Variants in TUSC3 observed in about 807,000 individuals in gnomAD.
TUSC3 encodes the protein tumor suppressor candidate 3.
Under a neutral mutation model 44.8 loss-of-function variants are expected in TUSC3, and 45 were observed. The ratio of observed to expected loss-of-function variants is 1.00; its 90% CI spans 0.79 to 1.29. TUSC3 has a LOEUF of 1.29. Ranked by LOEUF, TUSC3 falls within the 50% of genes most tolerant of loss-of-function variation. TUSC3 has a pLI of 0.00. For missense variants in TUSC3, 519 were observed against 437.9 expected, an observed-to-expected ratio of 1.19 and a Z score of -1.65; for synonymous variants, 212 against 152.9, an observed-to-expected ratio of 1.39 and a Z score of -2.85.
intron 2 of TUSC3, among the ~76,000 whole-genome samples, chr8:15,508,221 T>C (rs1475946846): frequency 6.6e-6 from 1 of 151,966 alleles, no homozygotes; most frequent in African/African-American, 2.4e-5. Context: ...GCCTGGGTGA[T>C]AGGGTGGGAC....
At chr8:15,715,452 A>G (rs923142954) in intron 6 of TUSC3, among the ~76,000 whole-genome samples, 2 of 152,268 alleles carry the variant, frequency 1.3e-5, no homozygotes, top group Admixed American at 1.3e-4. Context: ...ACTAATGGGA[A>G]GGTAGCATGT....
chr8:15,671,060 A>G (rs193050687), intron 5 of TUSC3, among the ~76,000 whole-genome samples: 5 of 152,102 alleles, frequency 3.3e-5, no homozygotes, highest in Admixed American at 6.6e-5. Context: ...ATGGATATCA[A>G]GTGGATCTCT....
At chr8:15,497,710 T>C (rs1344030687) in intron 2 of TUSC3, among the ~76,000 whole-genome samples, 1 of 150,344 alleles carries the variant, frequency 6.7e-6, no homozygotes, top group African/African-American at 2.4e-5. Flanking sequence ...AAGTTTTCTT[T>C]TTTCTTTCTT....
At chr8:15,800,431 G>T in the TUSC3 span, among the ~76,000 whole-genome samples, 2 of 151,992 alleles carry the variant, frequency 1.3e-5, no homozygotes, top group Admixed American at 6.6e-5. Flanking sequence ...AAATTAGCCG[G>T]GCATGGTGGC....
intron 7 of TUSC3, among the ~76,000 whole-genome samples, chr8:15,731,568 A>C (rs1337983028): frequency 6.6e-6 from 1 of 152,180 alleles, no homozygotes; most frequent in African/African-American, 2.4e-5. Context: ...ACTAGAGCCC[A>C]CAAAGGGCTT....
At chr8:15,623,947 C>A (rs1047294019) in intron 2 of TUSC3, among the ~76,000 whole-genome samples, 1 of 152,082 alleles carries the variant, frequency 6.6e-6, no homozygotes, top group Non-Finnish European at 1.5e-5. Flanking sequence ...TTTAAAGTCA[C>A]CCGCACTCTC....
chr8:15,806,350 C>A, the TUSC3 span: 1 of 730,684 alleles, frequency 1.4e-6, no homozygotes, highest in East Asian at 2.7e-5. Flanking sequence ...ATTTCTTCTA[C>A]TCTGCATTCC....
In TUSC3 at chr8:15,463,148, A is replaced by G. The variant is rs550477950; in HGVS notation, n.92-20238A>G. On this transcript the variant is annotated intron_variant and non_coding_transcript_variant, in intron 1 of 5. Coordinates refer to the TUSC3 transcript ENST00000503191. ...AGACATTTAGAAGACTCCTGTTTTGATCCGTAAAAACATAAGTTTGCAACT... is the reference window on the plus strand; with the variant it reads ...AGACATTTAGAAGACTCCTGTTTTGGTCCGTAAAAACATAAGTTTGCAACT... Among the ~76,000 whole-genome samples, 79 of 151,544 alleles carry G rather than the reference A, an allele frequency of 5.2e-4. 1 individual carries two copies. The highest frequency in any genetic ancestry group is 1.9e-3 in the African/African-American group (78 of 41,292).
intron 9 of TUSC3, among the ~76,000 whole-genome samples, chr8:15,754,546 G>C (rs1431176631): frequency 6.6e-6 from 1 of 152,032 alleles, no homozygotes; most frequent in African/African-American, 2.4e-5. Context: ...TTACCCTTTA[G>C]TGAAAATGCA....
intron 6 of TUSC3, among the ~76,000 whole-genome samples, chr8:15,703,956 C>A (rs1047145859): frequency 6.6e-6 from 1 of 152,110 alleles, no homozygotes; most frequent in South Asian, 2.1e-4. Context: ...GCTTGGCGCA[C>A]TGCAAAATAA....
rs1439542832 is a variant in TUSC3 at position 15,650,790 on chromosome 8, T to C, written c.402T>C (p.Asp134=). The C allele has an allele frequency of 1.9e-6, 3 of 1,614,152 alleles. No individual in the cohort carries two copies. The highest frequency in any genetic ancestry group is 2.2e-5 in the South Asian group (2 of 91,088). The change falls in exon 3 of 11, where the codon GAT becomes GAC. Residue 134 remains aspartate (D), a synonymous_variant. Coordinates refer to ENST00000503731, the MANE Select transcript of TUSC3 (RefSeq NM_006765.4). Reference sequence around the variant, plus strand: ...TCTTCTTCAGTATGGTGGACTATGATGAGGGGACAGACGTTTTTCAGCAGG... The same window carrying C: ...TCTTCTTCAGTATGGTGGACTATGACGAGGGGACAGACGTTTTTCAGCAGG... ...NKLFFSMVDY[D]EGTDVFQQLN...
chr8:15,606,935 G>C (rs767718094), intron 1 of TUSC3, among the ~76,000 whole-genome samples: 1 of 151,714 alleles, frequency 6.6e-6, no homozygotes, highest in African/African-American at 2.4e-5. Flanking sequence ...GTGTGTGTGT[G>C]TATGTGTATA....
At chr8:15,811,073 A>G in the TUSC3 span, among the ~76,000 whole-genome samples, 1 of 152,300 alleles carries the variant, frequency 6.6e-6, no homozygotes, top group East Asian at 1.9e-4. Flanking sequence ...GGGGAAGCGT[A>G]TGAGAAAATC....
chr8:15,739,764 C>T (rs1811108543), intron 7 of TUSC3, among the ~76,000 whole-genome samples: 2 of 152,204 alleles, frequency 1.3e-5, no homozygotes, highest in Admixed American at 6.5e-5. Flanking sequence ...ACTGGGCTAG[C>T]AATTATGTTC....
At chr8:15,582,254 G>C (rs550681505) in intron 1 of TUSC3, among the ~76,000 whole-genome samples, 61 of 152,296 alleles carry the variant, frequency 4.0e-4, no homozygotes, top group African/African-American at 1.4e-3. Flanking sequence ...TGGAAATGCA[G>C]AAATCACCCG....
intron 6 of TUSC3, among the ~76,000 whole-genome samples, chr8:15,722,187 C>T (rs777040859): frequency 2.0e-5 from 3 of 150,404 alleles, no homozygotes; most frequent in African/African-American, 7.3e-5. Flanking sequence ...GGGCAGCTAT[C>T]GTGAATTATT....
chr8:15,457,232 G>A (rs890394474), intron 1 of TUSC3, among the ~76,000 whole-genome samples: 1 of 151,280 alleles, frequency 6.6e-6, no homozygotes, highest in African/African-American at 2.4e-5. Context: ...CGAGTTAATG[G>A]GTGCAGCACA....
chr8:15,507,558 T>C (rs1801073820), intron 2 of TUSC3, among the ~76,000 whole-genome samples: 1 of 152,148 alleles, frequency 6.6e-6, no homozygotes, highest in East Asian at 1.9e-4. Flanking sequence ...TTGAGTTTTA[T>C]CAATTTTTAA....
chr8:15,822,081 T>G, the TUSC3 span, among the ~76,000 whole-genome samples: 1 of 152,142 alleles, frequency 6.6e-6, no homozygotes, highest in Non-Finnish European at 1.5e-5. Context: ...AATCAGATAC[T>G]GAGTAGGAAA....
Sources: gnomAD v4.1 joint callset for allele counts (sites outside exome capture counted in the v4.1 genomes callset) on GRCh38, gnomAD v4.1.1 for gene constraint, MANE v1.5 for transcripts, NCBI Gene and HGNC (gene_info 2026-07-23, HGNC 2026-07-21) for gene names.